DHRSX: variants seen among roughly 807,000 people sequenced by gnomAD.
The protein encoded by DHRSX is polyprenol dehydrogenase.
Under a neutral mutation model 34.0 loss-of-function variants are expected in DHRSX, and 31 were observed. The ratio of observed to expected loss-of-function variants is 0.91; its 90% CI spans 0.69 to 1.23. DHRSX has a LOEUF of 1.23. Ranked by LOEUF, DHRSX falls within the 50% of genes most tolerant of loss-of-function variation. DHRSX has a pLI of 0.00. For missense variants in DHRSX, 414 were observed against 428.1 expected (o/e 0.97, Z 0.29); for synonymous variants, 201 against 183.8 (o/e 1.09, Z -0.76).
chrX:2,330,074 G>C (rs1297203984), intron 3 of DHRSX, among the ~76,000 whole-genome samples: 3 of 2,166 alleles, frequency 1.4e-3, no homozygotes, highest in Non-Finnish European at 2.1e-3. Flanking sequence ...GAGAGACGGC[G>C]GGGGGGGGGG....
rs150928531 is a variant in DHRSX at position 2,238,232 on chromosome X, G to A, written c.804+4791C>T. ...ATTAGCCAGGCATGCTGGTGCATTC[G>A]TGTAGTCCCAGCTACTCGGGAGGTG... On this transcript the variant is annotated intron_variant, in intron 6 of 6. Transcript: ENST00000334651. Among the ~76,000 whole-genome samples the A allele has an allele frequency of 3.5e-3, 540 of 152,186 alleles. 2 individuals carry two copies. Among genetic ancestry groups the A allele is most frequent in the African/African-American group, 0.013 (522 of 41,538 alleles).
At chrX:2,322,082 T>C (rs2042318472) in intron 3 of DHRSX, among the ~76,000 whole-genome samples, 1 of 152,064 alleles carries the variant, frequency 6.6e-6, no homozygotes, top group East Asian at 1.9e-4. Flanking sequence ...CCGAACAGTA[T>C]ATACTGCACC....
At chrX:2,243,943 G>A (rs1008755101) in intron 5 of DHRSX, among the ~76,000 whole-genome samples, 15 of 148,458 alleles carry the variant, frequency 1.0e-4, no homozygotes, top group Non-Finnish European at 1.5e-5. Flanking sequence ...CTAATTTTTT[G>A]TATTTTTAGT....
intron 3 of DHRSX, among the ~76,000 whole-genome samples, chrX:2,293,220 G>A (rs183689803): frequency 2.0e-5 from 3 of 150,336 alleles, no homozygotes; most frequent in East Asian, 1.9e-4. Flanking sequence ...GGTCTCCATC[G>A]CTAAAAGTGA....
intron 3 of DHRSX, among the ~76,000 whole-genome samples, chrX:2,295,677 A>T (rs1162890941): frequency 2.0e-5 from 3 of 152,194 alleles, no homozygotes; most frequent in African/African-American, 7.2e-5. Context: ...CCAGGCTGTT[A>T]GGACACGCTG....
chrX:2,472,002 G>A (rs1465832181), intron 1 of DHRSX, among the ~76,000 whole-genome samples: 12 of 151,784 alleles, frequency 7.9e-5, no homozygotes, highest in Admixed American at 2.0e-4. Context: ...AAAATTAGCC[G>A]GGCGTGGTGG....
intron 1 of DHRSX, among the ~76,000 whole-genome samples, chrX:2,433,326 C>T (rs1286149650): frequency 6.6e-6 from 1 of 151,980 alleles, no homozygotes; most frequent in East Asian, 1.9e-4. Context: ...GCTCAAATGG[C>T]CCTCAACACA....
At chrX:2,450,475 T>C (rs138846794) in intron 1 of DHRSX, among the ~76,000 whole-genome samples, 6,348 of 151,984 alleles carry the variant, frequency 0.042, 214 homozygotes, top group East Asian at 0.082. Context: ...AAAAAAAGAA[T>C]GTTAGATAGT....
intron 4 of DHRSX, among the ~76,000 whole-genome samples, chrX:2,287,558 G>A (rs189465194): frequency 2.0e-3 from 227 of 112,172 alleles, no homozygotes; most frequent in African/African-American, 7.2e-3. Context: ...GTCCATATCC[G>A]AATCCCCATG....
intron 3 of DHRSX, among the ~76,000 whole-genome samples, chrX:2,342,338 A>G (rs2042651247): frequency 6.6e-6 from 1 of 151,872 alleles, no homozygotes; most frequent in Non-Finnish European, 1.5e-5. Flanking sequence ...CAGAGCACAC[A>G]CCCTCACTCC....
chrX:2,398,407 G>C (rs1283379463), intron 3 of DHRSX, among the ~76,000 whole-genome samples: 1 of 152,072 alleles, frequency 6.6e-6, no homozygotes, highest in African/African-American at 2.4e-5. Flanking sequence ...GGCTCACTGT[G>C]CCTGTCATCC....
chrX:2,460,280 A>G (rs2044384886), intron 1 of DHRSX, among the ~76,000 whole-genome samples: 1 of 151,424 alleles, frequency 6.6e-6, no homozygotes, highest in African/African-American at 2.4e-5. Flanking sequence ...CCTAACACAC[A>G]CCATGGCAGG....
chrX:2,448,561 G>A (rs28535606), intron 1 of DHRSX, among the ~76,000 whole-genome samples: 1 of 148,274 alleles, frequency 6.7e-6, no homozygotes, highest in Non-Finnish European at 1.5e-5. Context: ...TAATTAGCTT[G>A]ATTGTTAATG....
At chrX:2,237,969 C>T (rs190932935) in intron 6 of DHRSX, among the ~76,000 whole-genome samples, 294 of 152,152 alleles carry the variant, frequency 1.9e-3, no homozygotes, top group Non-Finnish European at 2.8e-3. Context: ...AGCACACATG[C>T]CCTCTGAAAT....
intron 4 of DHRSX, among the ~76,000 whole-genome samples, chrX:2,288,216 G>T (rs1382851418): frequency 6.6e-6 from 1 of 152,074 alleles, no homozygotes; most frequent in Non-Finnish European, 1.5e-5. Flanking sequence ...ATTCAAAGGT[G>T]TCTCATTGCT....
chrX:2,333,446 A>T lies in DHRSX; in HGVS notation c.287-41843T>A, dbSNP rs1164603653. Among the ~76,000 whole-genome samples, 8 of 151,996 alleles carry T rather than the reference A, an allele frequency of 5.3e-5. No individual in the cohort carries two copies. In the East Asian group the frequency reaches 1.5e-3, roughly 29 times the overall value. On this transcript the variant is annotated intron_variant, in intron 3 of 6. Coordinates refer to ENST00000334651, the MANE Select transcript of DHRSX (RefSeq NM_145177.3). ...TGATATGCAGTAGAGACAGAGTGCC[A>T]CTCTGCCGCCCAGGCTTGAGTGCAA...
chrX:2,339,034 TC>T (rs1190243651), intron 3 of DHRSX, among the ~76,000 whole-genome samples: 1 of 152,094 alleles, frequency 6.6e-6, no homozygotes, highest in Non-Finnish European at 1.5e-5. Flanking sequence ...TGATGTAGTA[TC>T]ATGCTTACTT....
At chrX:2,388,986 C>T (rs1402717972) in intron 3 of DHRSX, among the ~76,000 whole-genome samples, 2 of 152,212 alleles carry the variant, frequency 1.3e-5, no homozygotes, top group South Asian at 4.1e-4. Flanking sequence ...GCAAGCCTAC[C>T]GACACGGTGA....
At chrX:2,313,733 G>A (rs34550249) in intron 3 of DHRSX, among the ~76,000 whole-genome samples, 3,253 of 152,210 alleles carry the variant, frequency 0.021, 122 homozygotes, top group African/African-American at 0.075. Flanking sequence ...TATTCTGAGC[G>A]AAATATGAGT....
Sources: gnomAD v4.1 joint callset for allele counts (sites outside exome capture counted in the v4.1 genomes callset) on GRCh38, gnomAD v4.1.1 for gene constraint, MANE v1.5 for transcripts, NCBI Gene and HGNC (gene_info 2026-07-23, HGNC 2026-07-21) for gene names.